Variants in DSCAML1 observed in about 807,000 individuals in gnomAD.
DSCAML1 encodes the protein cell adhesion molecule DSCAML1.
DSCAML1 carries 38 observed loss-of-function variants against 200.5 expected under a neutral mutation model. That is an observed-to-expected ratio of 0.19 (90% CI 0.15 to 0.25). The LOEUF is 0.25. DSCAML1 is among the 10% of genes least tolerant of loss of function. The pLI, the probability that DSCAML1 is intolerant of heterozygous loss-of-function variation, is 1.00. For synonymous variants in DSCAML1, 1,215 were observed against 1,165.0 expected (o/e 1.04, Z -0.87); for missense variants, 2,223 against 2,858.8 (o/e 0.78, Z 5.07).
intron 3 of DSCAML1, among the ~76,000 whole-genome samples, chr11:117,722,314 A>G (rs1284667146): frequency 6.6e-6 from 1 of 152,064 alleles, no homozygotes; most frequent in Non-Finnish European, 1.5e-5. Context: ...GCTAAAAAAA[A>G]AAAAAAAAAG....
Position 117,427,886 on chromosome 11 carries a change from C to T in DSCAML1, c.*442G>A, listed in dbSNP as rs377090364. 22 of 154,498 alleles carry T rather than the reference C, an allele frequency of 1.4e-4. No individual in the cohort carries two copies. In the East Asian group the frequency reaches 2.5e-3, roughly 17 times the overall value. 9.6% of individuals were successfully genotyped at this position (154,498 alleles called of 1,614,324 possible). On this transcript the variant is annotated 3_prime_UTR_variant, in exon 33 of 33. Transcript: ENST00000651296. The stretch of plus-strand genomic sequence containing the variant: ...CCTGGTTTTCTTGGAACAGTAAAAT[C>T]GCATGCAGTGTCTCTGAGTTGGGAT...
chr11:117,581,640 T>C (rs1343618235), intron 3 of DSCAML1, among the ~76,000 whole-genome samples: 1 of 152,196 alleles, frequency 6.6e-6, no homozygotes, highest in Non-Finnish European at 1.5e-5. Context: ...ATCCATGCGT[T>C]ACTTTTACAT....
chr11:117,656,496 C>CATCCATCT (rs2052737157), intron 3 of DSCAML1, among the ~76,000 whole-genome samples: 1 of 147,292 alleles, frequency 6.8e-6, no homozygotes, highest in Non-Finnish European at 1.5e-5. Context: ...TTACCTAAAT[C>CATCCATCT]ATCTATCTAT....
intron 3 of DSCAML1, among the ~76,000 whole-genome samples, chr11:117,714,276 T>G (rs1476313972): frequency 6.6e-6 from 1 of 152,228 alleles, no homozygotes; most frequent in African/African-American, 2.4e-5. Context: ...AACTTTTCTT[T>G]GTCCCTTTTC....
At chr11:117,693,087 C>T (rs1169105470) in intron 3 of DSCAML1, among the ~76,000 whole-genome samples, 1 of 152,184 alleles carries the variant, frequency 6.6e-6, no homozygotes, top group East Asian at 1.9e-4. Context: ...AGCATTCCGT[C>T]CTCTGCTTTG....
At position 117,464,935 on chromosome 11, in the gene DSCAML1, C is replaced by T; in HGVS notation, c.3265+7G>A. 6.2e-7 allele frequency: 1 copy of T among 1,612,640 alleles called. No individual in the cohort carries two copies. The highest frequency in any genetic ancestry group is 8.5e-7 in the Non-Finnish European group (1 of 1,179,206). ...CTGTGCCCACTCCCTTCTGCTGGGG[C>T]CCTCACCATCCTCCAGAGTGGTGGC... is the stretch of plus-strand genomic sequence containing the variant. On this transcript the variant is annotated splice_region_variant and intron_variant, in intron 17 of 32. Coordinates refer to ENST00000651296, the MANE Select transcript of DSCAML1 (RefSeq NM_020693.4).
chr11:117,687,171 G>T (rs721487), intron 3 of DSCAML1, among the ~76,000 whole-genome samples: 12,506 of 152,184 alleles, frequency 0.082, 563 homozygotes, highest in Middle Eastern at 0.099. Flanking sequence ...GCGGGAGGAG[G>T]CAAGCCAAAG....
chr11:117,476,030 G>A (rs1257358341), intron 14 of DSCAML1, among the ~76,000 whole-genome samples: 5 of 152,152 alleles, frequency 3.3e-5, no homozygotes, highest in African/African-American at 9.7e-5. Context: ...AGTTCTCAGA[G>A]TACTGAGCTG....
chr11:117,588,625 T>C (rs1232381060), intron 3 of DSCAML1, among the ~76,000 whole-genome samples: 1 of 152,196 alleles, frequency 6.6e-6, no homozygotes, highest in Non-Finnish European at 1.5e-5. Flanking sequence ...CACCACACTC[T>C]GCTGCTGAGG....
chr11:117,724,292 G>GTCC (rs1448090499), intron 3 of DSCAML1, among the ~76,000 whole-genome samples: 1 of 152,178 alleles, frequency 6.6e-6, no homozygotes, highest in African/African-American at 2.4e-5. Context: ...GTCTGATTGG[G>GTCC]TCCTCGTCCA....
At chr11:117,617,601 C>T (rs2051834437) in intron 3 of DSCAML1, among the ~76,000 whole-genome samples, 6 of 151,956 alleles carry the variant, frequency 3.9e-5, no homozygotes, top group African/African-American at 7.3e-5. Context: ...GGATGCTCCA[C>T]AAACATTGGC....
chr11:117,716,963 T>C (rs567969353), intron 3 of DSCAML1, among the ~76,000 whole-genome samples: 148 of 152,220 alleles, frequency 9.7e-4, no homozygotes, highest in African/African-American at 3.3e-3. Context: ...TTAGGCTAGA[T>C]GGTTGGTGTT....
intron 3 of DSCAML1, among the ~76,000 whole-genome samples, chr11:117,746,839 G>A (rs577322618): frequency 6.6e-6 from 1 of 152,242 alleles, no homozygotes; most frequent in East Asian, 1.9e-4. Flanking sequence ...TCAGGCTTCA[G>A]GACTCGGCTG....
intron 16 of DSCAML1, 124 bp from the exon 17 acceptor site, chr11:117,465,306 G>T: frequency 7.4e-7 from 1 of 1,358,284 alleles, no homozygotes; most frequent in Non-Finnish European, 1.0e-6. Context: ...ATCTCACTCA[G>T]AATGAAAGCC....
Position 117,480,263 on chromosome 11 carries a change from C to T in DSCAML1, c.2785+180G>A, listed in dbSNP as rs979931754. ...TCCATCTTCCACCCGGACTCCTAGC[C>T]CGGCCAGTGTCCCTCCCTTCAGAAG... On this transcript the variant is annotated intron_variant, in intron 14 of 32. Coordinates refer to ENST00000651296, the MANE Select transcript of DSCAML1 (RefSeq NM_020693.4). This position sits in a 1 kb window ranked among gnomAD's most constrained non-coding sequence, Gnocchi z 4.1. Among the ~76,000 whole-genome samples, 1 of 152,212 alleles carries T rather than the reference C, an allele frequency of 6.6e-6. No individual in the cohort carries two copies. The highest frequency in any genetic ancestry group is 2.1e-4 in the South Asian group (1 of 4,826).
rs770019350 is a variant in DSCAML1 at position 117,431,598 on chromosome 11, G to A, written c.5310C>T (p.Gly1770=). The A allele has an allele frequency of 1.2e-6, 2 of 1,612,598 alleles. No individual in the cohort carries two copies. The highest frequency in any genetic ancestry group is 4.5e-5 in the East Asian group (2 of 44,838). The change falls in exon 31 of 33, where the codon GGC becomes GGT. Residue 1770 remains glycine, a synonymous_variant. Coordinates refer to ENST00000651296, the MANE Select transcript of DSCAML1 (RefSeq NM_020693.4). ...CAGTGACCGTGACACCATGCTGGGA[G>A]CCCACGGTGCGCCAGTCGGAGGTGA... is the stretch of plus-strand genomic sequence containing the variant. ...RTLTSDWRTV[G]SQHGVTVTES...
At chr11:117,546,756 C>G (rs1394360875) in intron 3 of DSCAML1, among the ~76,000 whole-genome samples, 1 of 152,166 alleles carries the variant, frequency 6.6e-6, no homozygotes, top group Non-Finnish European at 1.5e-5. Flanking sequence ...CTAGTTCTCT[C>G]TCTCCCCGAA....
chr11:117,790,177 G>A (rs746463326), intron 1 of DSCAML1, among the ~76,000 whole-genome samples: 1 of 152,170 alleles, frequency 6.6e-6, no homozygotes, highest in East Asian at 1.9e-4. Flanking sequence ...CCTTAAATGA[G>A]GTCACATAAG....
At chr11:117,734,902 G>A (rs2054291262) in intron 3 of DSCAML1, among the ~76,000 whole-genome samples, 1 of 152,182 alleles carries the variant, frequency 6.6e-6, no homozygotes, top group African/African-American at 2.4e-5. Context: ...GAAAGCCAGG[G>A]GCGGAGCTGC....
Sources: allele counts gnomAD v4.1 joint callset (sites outside exome capture counted in the v4.1 genomes callset), GRCh38; gene constraint gnomAD v4.1.1; non-coding constraint Gnocchi (gnomAD v3.1); transcripts MANE v1.5; gene names NCBI Gene and HGNC (gene_info 2026-07-23, HGNC 2026-07-21).